Variants in HEATR4 observed in about 807,000 individuals in gnomAD.
HEATR4 encodes HEAT repeat-containing protein 4.
A neutral mutation model predicts 108.8 loss-of-function variants in HEATR4; 95 were observed. The ratio of observed to expected loss-of-function variants is 0.87; its 90% CI spans 0.74 to 1.04. The LOEUF (loss-of-function observed/expected upper bound fraction) is 1.04. HEATR4 is among the 50% of genes least tolerant of loss of function. The pLI, the probability that HEATR4 is intolerant of heterozygous loss-of-function variation, is 0.00. For synonymous variants in HEATR4, 443 were observed against 459.4 expected (o/e 0.96, Z 0.46); for missense variants, 1,152 against 1,253.8 (o/e 0.92, Z 1.23).
At chr14:73,590,540 G>A in the HEATR4 span, among the ~76,000 whole-genome samples, 1 of 152,238 alleles carries the variant, frequency 6.6e-6, no homozygotes, top group Non-Finnish European at 1.5e-5. Flanking sequence ...AGCGGAGCTC[G>A]TTGAGGAGGC....
the HEATR4 span, among the ~76,000 whole-genome samples, chr14:73,609,388 C>T: frequency 6.6e-6 from 1 of 152,120 alleles, no homozygotes; most frequent in Non-Finnish European, 1.5e-5. Context: ...TCCTGCATAT[C>T]ACCCCTGGGT....
the HEATR4 span, among the ~76,000 whole-genome samples, chr14:73,628,237 T>C: frequency 1.3e-5 from 2 of 152,340 alleles, no homozygotes; most frequent in Non-Finnish European, 2.9e-5. Flanking sequence ...CTAAATCTTT[T>C]AGGAGTTGTA....
intron 17 of HEATR4, among the ~76,000 whole-genome samples, chr14:73,486,756 A>C (rs985245538): frequency 6.6e-6 from 1 of 152,134 alleles, no homozygotes; most frequent in Non-Finnish European, 1.5e-5. Flanking sequence ...TTCCCAGTAT[A>C]TTTACACTTT....
rs1208601980 is a variant in HEATR4 at position 73,509,384 on chromosome 14, C to A, written c.1648G>T (p.Ala550Ser). 6.2e-7 allele frequency: 1 copy of A among 1,614,070 alleles called. No homozygotes were observed. Among genetic ancestry groups the A allele is most frequent in the African/African-American group, 1.3e-5 (1 of 75,006 alleles). Residue 550 changes from alanine to serine, a missense_variant, in exon 8 of 18, where the codon GCA (alanine) becomes TCA (serine). By Grantham distance (99) the Ala-to-Ser change is moderately conservative. Transcript: ENST00000553558. Reference sequence around the variant, plus strand: ...GACTGTATGGCATATTGGCATATTGCTGCTGCCATCCGCACATGGGCATTC... The same window carrying A: ...GACTGTATGGCATATTGGCATATTGATGCTGCCATCCGCACATGGGCATTC... ...DKNAHVRMAA[A>S]ICQYAIQSHN...
At chr14:73,590,091 AGAAC>A in the HEATR4 span, among the ~76,000 whole-genome samples, 57 of 152,298 alleles carry the variant, frequency 3.7e-4, no homozygotes, top group African/African-American at 1.3e-3. Flanking sequence ...AACGTAGAAA[AGAAC>A]CCCAACAAGT....
rs1566852271 is a variant in HEATR4, at chr14:73,544,992, C to T, written c.-152+13759G>A. Among the ~76,000 whole-genome samples, 2 of 111,350 alleles carry T rather than the reference C, an allele frequency of 1.8e-5. 1 individual carries two copies. The highest frequency in any genetic ancestry group is 3.9e-5 in the Non-Finnish European group (2 of 51,428). The allele number at this position is 111,350 out of a possible 152,430, so 73.0% of individuals were successfully genotyped here. A position where few individuals can be genotyped will look rare whatever the true frequency, so the allele number is the denominator to read the frequency against. On this transcript the variant is annotated intron_variant, in intron 1 of 17. Coordinates refer to ENST00000553558, the MANE Select transcript of HEATR4 (RefSeq NM_001220484.1). Reference sequence around the variant, plus strand: ...TTGATATAAATAGTTACACAATAAACTTGATTTTTTCTTAAACCTTAGTTG... The same window carrying T: ...TTGATATAAATAGTTACACAATAAATTTGATTTTTTCTTAAACCTTAGTTG...
At chr14:73,623,117 G>A in the HEATR4 span, among the ~76,000 whole-genome samples, 3 of 151,762 alleles carry the variant, frequency 2.0e-5, no homozygotes, top group Non-Finnish European at 4.4e-5. Flanking sequence ...CACCATGTTG[G>A]TCAGGCTGAT....
rs1314665494 is a variant in HEATR4 at position 73,493,083 on chromosome 14, T to C, written c.2827A>G (p.Thr943Ala). The C allele has an allele frequency of 1.2e-6, 2 of 1,612,174 alleles. No homozygotes were observed. The highest frequency in any genetic ancestry group is 3.4e-5 in the Admixed American group (2 of 59,652). The change falls in exon 17 of 18, where the codon ACT becomes GCT. Residue 943 changes from threonine (T) to alanine (A), a missense_variant. Transcript: ENST00000553558. Reference sequence around the variant, plus strand: ...ACATTTACCTTTATCACTGCTTCAGTGTCACAAACCTCGGAAGGTCTTCTA... The same window carrying C: ...ACATTTACCTTTATCACTGCTTCAGCGTCACAAACCTCGGAAGGTCTTCTA... ...LPRRPSEVCDTEAVIKPVKPR... is the reference protein window; with the variant it reads ...LPRRPSEVCDAEAVIKPVKPR...
At chr14:73,498,114 C>G (rs758490157) in intron 14 of HEATR4, 41 bp downstream of exon 14, 2 of 1,534,816 alleles carry the variant, frequency 1.3e-6, no homozygotes, top group Admixed American at 3.6e-5. Context: ...TGAGAGTTGG[C>G]AGTATAAGGT....
At chr14:73,498,457 A>G (rs2140258205) in intron 13 of HEATR4, 113 bp from the exon 14 acceptor site, 1 of 932,042 alleles carries the variant, frequency 1.1e-6, no homozygotes, top group East Asian at 2.7e-5. Flanking sequence ...GGTAATCACC[A>G]TTAGAATTTT....
At chr14:73,526,162 A>C (rs568301983) in intron 2 of HEATR4, among the ~76,000 whole-genome samples, 10 of 152,098 alleles carry the variant, frequency 6.6e-5, no homozygotes, top group Non-Finnish European at 1.5e-4. Context: ...GGGATTTTGC[A>C]TTGGAACTCA....
Position 73,492,168 on chromosome 14 carries a change from A to G in HEATR4, c.2844+898T>C, listed in dbSNP as rs1268072785. 6.2e-7 allele frequency: 1 copy of G among 1,613,762 alleles called. No individual in the cohort carries two copies. The highest frequency in any genetic ancestry group is 1.3e-5 in the African/African-American group (1 of 74,896). On this transcript the variant is annotated intron_variant, in intron 17 of 17. Transcript: ENST00000553558. The surrounding 1 kb of genome is among the most constrained non-coding windows in gnomAD (Gnocchi z 4.9). ...AACTTCAGTCAGGACGACCTCGGTG[A>G]GCCGGTGCTGCAGACCGTGCTGGAA... is the stretch of plus-strand genomic sequence containing the variant.
chr14:73,524,823 T>G (rs1282050121), intron 2 of HEATR4, among the ~76,000 whole-genome samples: 1 of 152,012 alleles, frequency 6.6e-6, no homozygotes, highest in Non-Finnish European at 1.5e-5. Context: ...ATTCCATATG[T>G]TTCTATCCTG....
intron 2 of HEATR4, chr14:73,527,413 G>A (rs1056731227): frequency 9.9e-5 from 15 of 151,366 alleles, no homozygotes; most frequent in African/African-American, 3.4e-4. Flanking sequence ...AGATAACACC[G>A]AGAAGAAATT....
Position 73,502,036 on chromosome 14 carries a change from C to T in HEATR4, c.2105+859G>A, listed in dbSNP as rs369401626. Among the ~76,000 whole-genome samples, 95 of 150,838 alleles carry T rather than the reference C, an allele frequency of 6.3e-4. 3 individuals carry two copies. In the East Asian group the frequency reaches 0.011, roughly 18 times the overall value. On this transcript the variant is annotated intron_variant, in intron 11 of 17. Coordinates refer to ENST00000553558, the MANE Select transcript of HEATR4 (RefSeq NM_001220484.1). ...CTGGGATTACAGGAGTGAGCCACTGCGCCCGGCCAATTTTTTTTTTTTTTT... is the reference window on the plus strand; with the variant it reads ...CTGGGATTACAGGAGTGAGCCACTGTGCCCGGCCAATTTTTTTTTTTTTTT...
intron 2 of HEATR4, among the ~76,000 whole-genome samples, chr14:73,526,088 C>T (rs1339008964): frequency 6.6e-6 from 1 of 152,164 alleles, no homozygotes; most frequent in Non-Finnish European, 1.5e-5. Context: ...ATGCCCCCCT[C>T]CCTCACCTCT....
At chr14:73,569,943 C>T in the HEATR4 span, 1 of 1,535,626 alleles carries the variant, frequency 6.5e-7, no homozygotes, top group Non-Finnish European at 8.7e-7. Flanking sequence ...GTGTCTCCCC[C>T]GCCCCACGCT....
At position 73,522,904 on chromosome 14, in the gene HEATR4, C is replaced by G. The variant is rs149611197; in HGVS notation, c.249G>C (p.Leu83=). The G allele has an allele frequency of 4.7e-3, 7,592 of 1,614,216 alleles. 55 individuals are homozygous for G. In the Middle Eastern group the frequency reaches 0.048, roughly 10 times the overall value. ...TGTACTGGCTATAAGGAATGCTGGGCAGGCCTCGCTGCCACACCACCTCCT... is the reference window on the plus strand; with the variant it reads ...TGTACTGGCTATAAGGAATGCTGGGGAGGCCTCGCTGCCACACCACCTCCT... ...FSQEVVWQRG[L]PSIPYSQYSF... is the part of the protein sequence containing the mutation. Residue 83 remains leucine, a synonymous_variant, in exon 3 of 18, where the codon CTG becomes CTC. Coordinates refer to ENST00000553558, the MANE Select transcript of HEATR4 (RefSeq NM_001220484.1).
the HEATR4 span, among the ~76,000 whole-genome samples, chr14:73,601,279 A>T: frequency 6.6e-6 from 1 of 152,152 alleles, no homozygotes; most frequent in Admixed American, 6.5e-5. Flanking sequence ...AAACTACTTT[A>T]GCAGGTCAGT....
Sources: allele counts gnomAD v4.1 joint callset (sites outside exome capture counted in the v4.1 genomes callset), GRCh38; gene constraint gnomAD v4.1.1; non-coding constraint Gnocchi (gnomAD v3.1); transcripts MANE v1.5; gene names NCBI Gene and HGNC (gene_info 2026-07-23, HGNC 2026-07-21).